The following NRXN1 variants were observed in gnomAD, a reference collection of about 807,000 sequenced individuals.
NRXN1 encodes the protein neurexin-1.
In NRXN1, 39 loss-of-function variants were observed where a neutral mutation model predicts 150.9. The ratio of observed to expected loss-of-function variants is 0.26; its 90% CI spans 0.20 to 0.34. The LOEUF is 0.34. NRXN1 is among the 10% of genes least tolerant of loss of function. NRXN1 has a pLI of 1.00. For missense variants in NRXN1, 1,815 were observed against 1,949.9 expected (o/e 0.93, Z 1.30); for synonymous variants, 924 against 757.0 (o/e 1.22, Z -3.62).
intron 5 of NRXN1, among the ~76,000 whole-genome samples, chr2:50,712,425 T>C (rs887736728): frequency 6.6e-6 from 1 of 152,198 alleles, no homozygotes; most frequent in Admixed American, 6.5e-5. Flanking sequence ...AGCTCTCCTG[T>C]ATCAGTGTAA....
At chr2:50,831,825 C>T (rs1671445597) in intron 5 of NRXN1, among the ~76,000 whole-genome samples, 1 of 152,126 alleles carries the variant, frequency 6.6e-6, no homozygotes, top group South Asian at 2.1e-4. Flanking sequence ...CTAGATTGTA[C>T]TTTTCCCAAG....
At chr2:50,072,057 G>A (rs1696365879) in intron 19 of NRXN1, among the ~76,000 whole-genome samples, 1 of 152,068 alleles carries the variant, frequency 6.6e-6, no homozygotes, top group South Asian at 2.1e-4. Flanking sequence ...AAATATACAT[G>A]ATTATATGTA....
intron 17 of NRXN1, among the ~76,000 whole-genome samples, chr2:50,349,825 TAAA>T (rs2078285406): frequency 1.3e-5 from 2 of 152,340 alleles, no homozygotes; most frequent in Admixed American, 1.3e-4. Context: ...GCCTTCCATC[TAAA>T]AGATACGTAG....
intron 17 of NRXN1, among the ~76,000 whole-genome samples, chr2:50,267,128 A>T (rs1431890304): frequency 6.6e-6 from 1 of 152,190 alleles, no homozygotes; most frequent in Non-Finnish European, 1.5e-5. Flanking sequence ...ATAATCAGTT[A>T]TTTCTTTGTT....
intron 2 of NRXN1, among the ~76,000 whole-genome samples, chr2:50,976,840 A>G (rs1398538378): frequency 2.6e-5 from 4 of 152,052 alleles, no homozygotes; most frequent in Non-Finnish European, 4.4e-5. Context: ...CAGCAAGTAG[A>G]CTTTGTTATG....
rs530508850 is a variant in NRXN1 at position 50,803,510 on chromosome 2, C to A, written c.832+118359G>T. Among the ~76,000 whole-genome samples the A allele has an allele frequency of 3.9e-5, 6 of 152,240 alleles. No individual in the cohort carries two copies. The South Asian group carries it at 1.2e-3, about 32-fold the overall frequency. ...AGAGGACACTGTTTTTATTTCTTTG[C>A]ATTTTCAATGTATAAATCGTGCAAT... is the stretch of plus-strand genomic sequence containing the variant. On this transcript the variant is annotated intron_variant, in intron 5 of 22. Transcript: ENST00000401669.
In NRXN1 at chr2:49,947,737, G is replaced by C. The variant is rs929696440; in HGVS notation, c.4129-3946C>G. Among the ~76,000 whole-genome samples the C allele has an allele frequency of 5.9e-5, 9 of 151,702 alleles. No homozygotes were observed. The Middle Eastern group carries it at 0.01, about 173-fold the overall frequency. On this transcript the variant is annotated intron_variant, in intron 21 of 22. Coordinates refer to ENST00000401669, the MANE Select transcript of NRXN1 (RefSeq NM_001330078.2). ...AACCTGAAATGTTAATAATGCCAAA[G>C]TTGAGAACCCCTGCTCAAAACATTT...
intron 8 of NRXN1, among the ~76,000 whole-genome samples, chr2:50,600,108 G>T (rs1014940676): frequency 1.3e-5 from 2 of 152,018 alleles, no homozygotes; most frequent in South Asian, 4.1e-4. Context: ...GAATGTCACT[G>T]AAAATCTAAA....
chr2:50,648,805 C>T (rs957062143), intron 5 of NRXN1, among the ~76,000 whole-genome samples: 6 of 151,408 alleles, frequency 4.0e-5, no homozygotes, highest in African/African-American at 1.5e-4. Context: ...TGCTGAACTG[C>T]GAAGCCAAGG....
chr2:51,019,870 C>A (rs1442918947), intron 2 of NRXN1, among the ~76,000 whole-genome samples: 2 of 151,990 alleles, frequency 1.3e-5, no homozygotes, highest in African/African-American at 4.8e-5. Flanking sequence ...TCTCTGCTTA[C>A]TTTTAAAATT....
At chr2:50,571,894 T>A (rs1406825110) in intron 8 of NRXN1, among the ~76,000 whole-genome samples, 1 of 152,158 alleles carries the variant, frequency 6.6e-6, no homozygotes. Context: ...AACATCCAGA[T>A]AAAACCAGAG....
In NRXN1 at chr2:50,206,172, TG is replaced by T. The variant is rs573664049; in HGVS notation, c.3546+30616del. 6.3e-4 allele frequency among the ~76,000 whole-genome samples: 96 copies of T among 152,084 alleles called. No individual in the cohort carries two copies. In the East Asian group the frequency reaches 0.017, roughly 27 times the overall value. On this transcript the variant is annotated intron_variant, in intron 18 of 22. Coordinates refer to ENST00000401669, the MANE Select transcript of NRXN1 (RefSeq NM_001330078.2). ...AATTTTCAACTGCAAAAATTATATG[TG>T]TGAATTCATTAAACACTTATACAGT...
At chr2:50,530,325 G>T (rs2093065573) in intron 11 of NRXN1, among the ~76,000 whole-genome samples, 1 of 152,158 alleles carries the variant, frequency 6.6e-6, no homozygotes, top group East Asian at 1.9e-4. Flanking sequence ...CATGTTGATG[G>T]CATAGTTTGC....
At chr2:50,296,684 T>C (rs1336085984) in intron 17 of NRXN1, among the ~76,000 whole-genome samples, 1 of 151,920 alleles carries the variant, frequency 6.6e-6, no homozygotes, top group East Asian at 1.9e-4. Context: ...CCCAGGCTGG[T>C]CTTGAACTCC....
At chr2:50,340,345 T>C (rs1372683339) in intron 17 of NRXN1, among the ~76,000 whole-genome samples, 1 of 152,148 alleles carries the variant, frequency 6.6e-6, no homozygotes, top group Admixed American at 6.5e-5. Flanking sequence ...TGGAGAGATA[T>C]TCTACACCCT....
chr2:50,148,206 C>T (rs2058475303), intron 18 of NRXN1, among the ~76,000 whole-genome samples: 1 of 151,520 alleles, frequency 6.6e-6, no homozygotes, highest in African/African-American at 2.4e-5. Flanking sequence ...AACCTAGACA[C>T]TTACAGAGAT....
At chr2:50,250,004 T>C (rs1268354117) in intron 17 of NRXN1, among the ~76,000 whole-genome samples, 1 of 152,060 alleles carries the variant, frequency 6.6e-6, no homozygotes, top group African/African-American at 2.4e-5. Context: ...AAGTTAAAAA[T>C]AAATAAATAA....
chr2:50,946,793 T>C (rs1251713368), intron 2 of NRXN1, among the ~76,000 whole-genome samples: 1 of 152,184 alleles, frequency 6.6e-6, no homozygotes, highest in Non-Finnish European at 1.5e-5. Flanking sequence ...CACAGACAGG[T>C]ATCTACTGGA....
At chr2:50,979,981 G>C (rs1343142226) in intron 2 of NRXN1, among the ~76,000 whole-genome samples, 2 of 151,982 alleles carry the variant, frequency 1.3e-5, no homozygotes, top group African/African-American at 2.4e-5. Context: ...TAATTAAATT[G>C]CTACAACTAA....
Sources: allele counts gnomAD v4.1 joint callset (sites outside exome capture counted in the v4.1 genomes callset), GRCh38; gene constraint gnomAD v4.1.1; transcripts MANE v1.5; gene names NCBI Gene and HGNC (gene_info 2026-07-23, HGNC 2026-07-21).